Variants in KPNA3 observed in about 807,000 individuals in gnomAD.
KPNA3 encodes the protein importin subunit alpha-4.
KPNA3 carries 13 observed loss-of-function variants against 73.8 expected under a neutral mutation model. The observed-to-expected ratio is 0.18, with a 90% CI of 0.11 to 0.28. The LOEUF is 0.28. Among genes scored for constraint, KPNA3 ranks in the 10% least tolerant of loss-of-function variants. The pLI is 1.00. For synonymous variants in KPNA3, 186 were observed against 206.9 expected, an observed-to-expected ratio of 0.90 and a Z score of 0.87; for missense variants, 360 against 618.1, an observed-to-expected ratio of 0.58 and a Z score of 4.43.
intron 1 of KPNA3, among the ~76,000 whole-genome samples, chr13:49,748,197 A>T (rs9526596): frequency 0.43 from 64,872 of 152,026 alleles, 14,356 homozygotes; most frequent in South Asian, 0.59. Flanking sequence ...TGATGTCTGC[A>T]ATCAATGAAT....
intron 1 of KPNA3, among the ~76,000 whole-genome samples, chr13:49,788,777 T>C (rs1420298621): frequency 1.4e-5 from 2 of 147,024 alleles, no homozygotes; most frequent in African/African-American, 2.6e-5. Context: ...TAAAAGGAAA[T>C]GTTTCCCTTT....
At chr13:49,761,893 T>C (rs1196763708) in intron 1 of KPNA3, among the ~76,000 whole-genome samples, 2 of 125,852 alleles carry the variant, frequency 1.6e-5, no homozygotes, top group African/African-American at 6.2e-5. Flanking sequence ...CAGCCACGAC[T>C]CCGTCTGTGA....
chr13:49,732,480 T>C lies in KPNA3; in HGVS notation c.288-14A>G, dbSNP rs1406572674. ...GATAACAGTTTTCTAGGAAAATAAATATGAGAAATTAATTGCTATAATTTT... is the reference window on the plus strand; with the variant it reads ...GATAACAGTTTTCTAGGAAAATAAACATGAGAAATTAATTGCTATAATTTT... On this transcript the variant is annotated splice_polypyrimidine_tract_variant and intron_variant, in intron 5 of 16. Transcript: ENST00000261667. 9 of 1,525,290 alleles carry C rather than the reference T, an allele frequency of 5.9e-6. No individual in the cohort carries two copies. The highest frequency in any genetic ancestry group is 1.9e-5 in the Admixed American group (1 of 53,964). 94.5% of individuals were successfully genotyped at this position (1,525,290 alleles called of 1,614,324 possible). A position where few individuals can be genotyped will look rare whatever the true frequency, so the allele number is the denominator to read the frequency against.
At chr13:49,762,166 C>T (rs1411155042) in intron 1 of KPNA3, among the ~76,000 whole-genome samples, 2 of 149,716 alleles carry the variant, frequency 1.3e-5, no homozygotes, top group Admixed American at 1.3e-4. Context: ...GGGGCAGCCC[C>T]CGCCCGGCCA....
intron 1 of KPNA3, among the ~76,000 whole-genome samples, chr13:49,790,699 CG>C (rs1409849905): frequency 2.0e-5 from 3 of 152,076 alleles, no homozygotes; most frequent in Non-Finnish European, 4.4e-5. Flanking sequence ...CTAAAAGTCA[CG>C]GGTTACATTC....
intron 10 of KPNA3, among the ~76,000 whole-genome samples, chr13:49,714,870 T>C (rs575449132): frequency 8.3e-4 from 126 of 152,202 alleles, no homozygotes; most frequent in African/African-American, 3.0e-3. Context: ...CTTACGTGAA[T>C]GCTGATGTAA....
At chr13:49,738,360 A>G (rs534058354) in intron 2 of KPNA3, among the ~76,000 whole-genome samples, 2 of 152,270 alleles carry the variant, frequency 1.3e-5, no homozygotes, top group African/African-American at 4.8e-5. Flanking sequence ...TTCCATACAC[A>G]TTTTTAAATG....
chr13:49,742,571 A>G (rs1954583333), intron 2 of KPNA3, among the ~76,000 whole-genome samples: 1 of 148,994 alleles, frequency 6.7e-6, no homozygotes, highest in Admixed American at 6.7e-5. Context: ...TTCTTTTAAG[A>G]TTGCTTTGGC....
intron 10 of KPNA3, among the ~76,000 whole-genome samples, chr13:49,718,200 A>G (rs183672887): frequency 6.6e-6 from 1 of 152,356 alleles, no homozygotes; most frequent in East Asian, 1.9e-4. Flanking sequence ...CTGGTAAGAT[A>G]AAAGGAGTCT....
Position 49,732,436 on chromosome 13 carries a change from C to A in KPNA3, c.318G>T (p.Pro106=), listed in dbSNP as rs770867718. The A allele has an allele frequency of 6.3e-7, 1 of 1,596,506 alleles. No individual in the cohort carries two copies. The highest frequency in any genetic ancestry group is 8.6e-7 in the Non-Finnish European group (1 of 1,168,778). Residue 106 remains proline, a synonymous_variant, in exon 6 of 17, where the codon CCG becomes CCT. Coordinates refer to ENST00000261667, the MANE Select transcript of KPNA3 (RefSeq NM_002267.4). ...TCCCAGATTTTATTAAGTCATCAAT[C>A]GGTGGATTTCTGTCACTGGATAACA... The part of the protein sequence containing the change: ...RKLLSSDRNP[P]IDDLIKSGIL...
chr13:49,786,910 G>A (rs1000925048), intron 1 of KPNA3, among the ~76,000 whole-genome samples: 1 of 152,196 alleles, frequency 6.6e-6, no homozygotes, highest in African/African-American at 2.4e-5. Flanking sequence ...AGAAGAGCTA[G>A]GTACACTATT....
At chr13:49,792,150 C>G (rs982906037) in intron 1 of KPNA3, among the ~76,000 whole-genome samples, 1 of 152,052 alleles carries the variant, frequency 6.6e-6, no homozygotes, top group Non-Finnish European at 1.5e-5. Flanking sequence ...GCGGACCCCG[C>G]CTCAGCTCCA....
intron 1 of KPNA3, among the ~76,000 whole-genome samples, chr13:49,789,382 C>T (rs1396521199): frequency 1.3e-5 from 2 of 152,080 alleles, no homozygotes; most frequent in South Asian, 4.1e-4. Flanking sequence ...TAAAGTCTCT[C>T]TCGATTGAAT....
intron 2 of KPNA3, among the ~76,000 whole-genome samples, chr13:49,738,780 G>A (rs1386698320): frequency 6.6e-6 from 1 of 152,052 alleles, no homozygotes; most frequent in African/African-American, 2.4e-5. Flanking sequence ...CTGCAAATAC[G>A]GACAGTTTTA....
intron 12 of KPNA3, among the ~76,000 whole-genome samples, chr13:49,707,039 G>A (rs569333508): frequency 1.3e-5 from 2 of 152,178 alleles, no homozygotes; most frequent in African/African-American, 4.8e-5. Flanking sequence ...ATGAGCCACC[G>A]CGCCCAGCCA....
At position 49,701,517 on chromosome 13, in the gene KPNA3, C is replaced by T. The variant is rs1240125181; in HGVS notation, c.*283G>A. The T allele has an allele frequency of 1.9e-6, 1 of 525,406 alleles. No individual in the cohort carries two copies. Among genetic ancestry groups the T allele is most frequent in the Admixed American group, 2.3e-5 (1 of 44,286 alleles). The allele number at this position is 525,406 out of a possible 1,614,324, so 32.5% of individuals were successfully genotyped here. On this transcript the variant is annotated 3_prime_UTR_variant, in exon 17 of 17. Transcript: ENST00000261667. Reference sequence around the variant, plus strand: ...AATATTTATTCTAAACTGGAGACTGCAGTTGTCAGCCTGTGGCACCAGGGA... The same window carrying T: ...AATATTTATTCTAAACTGGAGACTGTAGTTGTCAGCCTGTGGCACCAGGGA...
intron 1 of KPNA3, among the ~76,000 whole-genome samples, chr13:49,754,153 C>T (rs533362266): frequency 7.2e-5 from 11 of 152,012 alleles, no homozygotes; most frequent in Non-Finnish European, 1.0e-4. Context: ...AAAAAATAGC[C>T]GGGTGTGGTG....
Position 49,733,220 on chromosome 13 carries a change from C to T in KPNA3, c.115-174G>A, listed in dbSNP as rs930976476. The stretch of plus-strand genomic sequence containing the variant: ...AATGACAAGGGTCACATTCTGGCTT[C>T]GGTAACAAAATTTCCTGGCTGGCTT... On this transcript the variant is annotated intron_variant, in intron 2 of 16. Coordinates refer to ENST00000261667, the MANE Select transcript of KPNA3 (RefSeq NM_002267.4). Among the ~76,000 whole-genome samples the T allele has an allele frequency of 8.0e-5, 12 of 150,460 alleles. No individual in the cohort carries two copies. The East Asian group carries it at 9.7e-4, about 12-fold the overall frequency.
At chr13:49,706,821 T>A (rs1010623777) in intron 12 of KPNA3, among the ~76,000 whole-genome samples, 3 of 152,042 alleles carry the variant, frequency 2.0e-5, no homozygotes, top group African/African-American at 7.2e-5. Context: ...TGATCTCGGC[T>A]CACTGCAAGC....
Sources: allele counts gnomAD v4.1 joint callset (sites outside exome capture counted in the v4.1 genomes callset), GRCh38; gene constraint gnomAD v4.1.1; transcripts MANE v1.5; gene names NCBI Gene and HGNC (gene_info 2026-07-23, HGNC 2026-07-21).